IRAK2: variants seen among roughly 807,000 people sequenced by gnomAD.
IRAK2 encodes the protein interleukin-1 receptor-associated kinase-like 2.
A neutral mutation model predicts 72.0 loss-of-function variants in IRAK2; 57 were observed. That is an observed-to-expected ratio of 0.79 (90% confidence interval 0.64 to 0.99). The LOEUF is 0.99. IRAK2 is among the 50% of genes least tolerant of loss of function. The pLI, the probability that IRAK2 is intolerant of heterozygous loss-of-function variation, is 0.00. For synonymous variants in IRAK2, 293 were observed against 312.7 expected, an observed-to-expected ratio of 0.94 and a Z score of 0.67; for missense variants, 790 against 794.4, an observed-to-expected ratio of 0.99 and a Z score of 0.07.
At chr3:10,206,869 T>C (rs1697441085) in intron 3 of IRAK2, among the ~76,000 whole-genome samples, 1 of 151,842 alleles carries the variant, frequency 6.6e-6, no homozygotes, top group South Asian at 2.1e-4. Context: ...CAAATTTTTT[T>C]TTTTTGATAC....
At chr3:10,165,971 G>A (rs1419551147) in intron 1 of IRAK2, among the ~76,000 whole-genome samples, 2 of 151,818 alleles carry the variant, frequency 1.3e-5, no homozygotes, top group Non-Finnish European at 2.9e-5. Flanking sequence ...CTTGTGATCC[G>A]CCCACCCTGG....
chr3:10,212,881 C>T (rs1575977183), intron 4 of IRAK2, among the ~76,000 whole-genome samples: 4 of 151,762 alleles, frequency 2.6e-5, no homozygotes, highest in Non-Finnish European at 1.5e-5. Flanking sequence ...TCTCCTGCCT[C>T]AGCCTCCCGA....
At chr3:10,226,968 T>G (rs1305028131) in intron 10 of IRAK2, among the ~76,000 whole-genome samples, 1 of 148,434 alleles carries the variant, frequency 6.7e-6, no homozygotes, top group African/African-American at 2.5e-5. Context: ...AAAAAAAAGA[T>G]TTTGGAATGT....
chr3:10,168,327 C>T (rs1696735003), intron 1 of IRAK2, among the ~76,000 whole-genome samples: 1 of 151,748 alleles, frequency 6.6e-6, no homozygotes, highest in Non-Finnish European at 1.5e-5. Context: ...TCTTGTGCCT[C>T]AGCCTCCCAA....
intron 2 of IRAK2, among the ~76,000 whole-genome samples, chr3:10,191,280 G>T (rs979289672): frequency 1.4e-5 from 2 of 143,854 alleles, no homozygotes; most frequent in African/African-American, 5.4e-5. Context: ...GGGCAACAGA[G>T]CGAGAATCTG....
chr3:10,174,231 A>G lies in IRAK2; in HGVS notation c.95-3607A>G, dbSNP rs551756302. ...GCAATCTGGCCTGGGGTTTCCAGTGACTAACATAGCAATTTAGGAACTTTC... is the reference window on the plus strand; with the variant it reads ...GCAATCTGGCCTGGGGTTTCCAGTGGCTAACATAGCAATTTAGGAACTTTC... On this transcript the variant is annotated intron_variant, in intron 1 of 12. Coordinates refer to ENST00000256458, the MANE Select transcript of IRAK2 (RefSeq NM_001570.4). Among the ~76,000 whole-genome samples the G allele has an allele frequency of 2.6e-5, 4 of 152,298 alleles. No individual in the cohort carries two copies. In the South Asian group the frequency reaches 6.2e-4, roughly 24 times the overall value.
intron 4 of IRAK2, among the ~76,000 whole-genome samples, chr3:10,210,642 T>C (rs462589): frequency 0.4 from 60,936 of 151,288 alleles, 12,676 homozygotes; most frequent in Middle Eastern, 0.51. Context: ...GTCCTGGCTA[T>C]TTGGGAGGCT....
chr3:10,238,663 C>G, intron 11 of IRAK2, 85 bp from the exon 12 acceptor site: 1 of 1,304,020 alleles, frequency 7.7e-7, no homozygotes, highest in East Asian at 2.3e-5. Context: ...TGCTCCCCGC[C>G]CCCTCTCTGC....
rs760276632 is a variant in IRAK2, at chr3:10,234,605, C to T, written c.1419C>T (p.Ala473=). Reference sequence around the variant, plus strand: ...GGCTTCCGGAGGACTGCGCCGAGGCCCTGGCCACGGCTGCCTGCCTGTGCC... The same window carrying T: ...GGCTTCCGGAGGACTGCGCCGAGGCTCTGGCCACGGCTGCCTGCCTGTGCC... The part of the protein sequence containing the change: ...AGRLPEDCAE[A]LATAACLCLR... Residue 473 remains alanine (A), a synonymous_variant, in exon 11 of 13, where the codon GCC becomes GCT. Coordinates refer to ENST00000256458, the MANE Select transcript of IRAK2 (RefSeq NM_001570.4). The T allele has an allele frequency of 6.2e-7, 1 of 1,613,496 alleles. No individual in the cohort carries two copies. The highest frequency in any genetic ancestry group is 8.5e-7 in the Non-Finnish European group (1 of 1,179,964).
At chr3:10,203,489 A>C (rs1159798664) in intron 3 of IRAK2, among the ~76,000 whole-genome samples, 3 of 152,244 alleles carry the variant, frequency 2.0e-5, no homozygotes, top group East Asian at 1.9e-4. Flanking sequence ...ACTGAGCCCC[A>C]GAGTTCAAAC....
intron 2 of IRAK2, among the ~76,000 whole-genome samples, chr3:10,178,498 A>G (rs1275522510): frequency 6.6e-6 from 1 of 152,084 alleles, no homozygotes; most frequent in Non-Finnish European, 1.5e-5. Flanking sequence ...AACTGGTAAC[A>G]GTGGTTACCT....
chr3:10,243,413 GTCAA>G lies in IRAK2; in HGVS notation c.*1189_*1192del, dbSNP rs1340921905. 2 of 152,628 alleles carry G rather than the reference GTCAA, an allele frequency of 1.3e-5. No individual in the cohort carries two copies. The highest frequency in any genetic ancestry group is 2.9e-5 in the Non-Finnish European group (2 of 68,036). The allele number at this position is 152,628 out of a possible 1,614,324, so 9.5% of individuals were successfully genotyped here. On this transcript the variant is annotated 3_prime_UTR_variant, in exon 13 of 13. Coordinates refer to ENST00000256458, the MANE Select transcript of IRAK2 (RefSeq NM_001570.4). ...CATGTCTGATTCTGCTGCTAATTAA[GTCAA>G]TCATTTAATTTTTGGGACCTCAGTT...
intron 3 of IRAK2, among the ~76,000 whole-genome samples, chr3:10,201,262 T>C (rs537298624): frequency 1.3e-5 from 2 of 152,380 alleles, no homozygotes; most frequent in Non-Finnish European, 2.9e-5. Flanking sequence ...TTAACCAACC[T>C]GGCTGAGGTC....
chr3:10,204,734 G>A (rs1215687403), intron 3 of IRAK2, among the ~76,000 whole-genome samples: 3 of 152,116 alleles, frequency 2.0e-5, no homozygotes, highest in Non-Finnish European at 4.4e-5. Context: ...GGGTGACAGA[G>A]AAAGACTCTG....
At chr3:10,193,609 C>T (rs142299532) in intron 2 of IRAK2, among the ~76,000 whole-genome samples, 1 of 152,170 alleles carries the variant, frequency 6.6e-6, no homozygotes, top group South Asian at 2.1e-4. Flanking sequence ...GGTCACAGAG[C>T]AAGACTCTGC....
chr3:10,217,597 G>T (rs1448435713), intron 7 of IRAK2, among the ~76,000 whole-genome samples: 1 of 152,234 alleles, frequency 6.6e-6, no homozygotes, highest in Admixed American at 6.5e-5. Context: ...CAAGAAACTG[G>T]TTTACTGGCT....
rs1231412130 is a variant in IRAK2 at position 10,224,346 on chromosome 3, A to G, written c.1209+1515A>G. On this transcript the variant is annotated intron_variant, in intron 9 of 12. Transcript: ENST00000256458. ...AGCAAGATTCTGTCTCAAAAAAAAA[A>G]AAAAAGAAAAAAAAGAACCAGGGGG... Among the ~76,000 whole-genome samples the G allele has an allele frequency of 4.0e-5, 6 of 151,718 alleles. No individual in the cohort carries two copies. The East Asian group carries it at 1.2e-3, about 29-fold the overall frequency.
At chr3:10,168,213 T>A (rs989803888) in intron 1 of IRAK2, among the ~76,000 whole-genome samples, 1 of 134,760 alleles carries the variant, frequency 7.4e-6, no homozygotes, top group Non-Finnish European at 1.6e-5. Context: ...TTTCTTTTTT[T>A]AATTTTTTTT....
intron 10 of IRAK2, among the ~76,000 whole-genome samples, chr3:10,230,422 A>G (rs1002213412): frequency 6.6e-6 from 1 of 152,058 alleles, no homozygotes; most frequent in African/African-American, 2.4e-5. Context: ...TCCTGGGCTC[A>G]AGGGATCCTC....
Sources: allele counts gnomAD v4.1 joint callset (sites outside exome capture counted in the v4.1 genomes callset), GRCh38; gene constraint gnomAD v4.1.1; transcripts MANE v1.5; gene names NCBI Gene and HGNC (gene_info 2026-07-23, HGNC 2026-07-21).